The following STN1 variants were observed in gnomAD, a reference collection of about 807,000 sequenced individuals.
The protein encoded by STN1 is STN1 subunit of CST complex.
A neutral mutation model predicts 45.5 loss-of-function variants in STN1; 29 were observed. The observed-to-expected ratio is 0.64, with a 90% CI of 0.47 to 0.87. The LOEUF (loss-of-function observed/expected upper bound fraction) is 0.87. Ranked by LOEUF, STN1 falls within the 40% of genes least tolerant of loss-of-function variation. The pLI is 0.00. For missense variants in STN1, 376 were observed against 441.4 expected (o/e 0.85, Z 1.33); for synonymous variants, 148 against 159.0 (o/e 0.93, Z 0.52).
intron 6 of STN1, among the ~76,000 whole-genome samples, chr10:103,897,967 G>T (rs1316835262): frequency 3.9e-5 from 6 of 151,986 alleles, no homozygotes; most frequent in Non-Finnish European, 5.9e-5. Context: ...GTAAGGTATG[G>T]TCCTATTTTT....
intron 7 of STN1, among the ~76,000 whole-genome samples, chr10:103,894,925 A>T (rs1843161920): frequency 6.6e-6 from 1 of 152,192 alleles, no homozygotes; most frequent in South Asian, 2.1e-4. Flanking sequence ...GAAAAAAAGG[A>T]GGAAACATTC....
intron 9 of STN1, among the ~76,000 whole-genome samples, chr10:103,884,999 G>A (rs1175359232): frequency 6.6e-6 from 1 of 152,134 alleles, no homozygotes; most frequent in Non-Finnish European, 1.5e-5. Context: ...GGAGGAGCAA[G>A]TAGAGCTTGG....
At chr10:103,907,169 A>T (rs1343292023) in intron 3 of STN1, among the ~76,000 whole-genome samples, 1 of 152,254 alleles carries the variant, frequency 6.6e-6, no homozygotes, top group Non-Finnish European at 1.5e-5. Context: ...CTTAACAATT[A>T]CTTCCAGATA....
intron 3 of STN1, among the ~76,000 whole-genome samples, chr10:103,907,695 TATA>T (rs1464526843): frequency 1.3e-5 from 2 of 152,188 alleles, no homozygotes; most frequent in African/African-American, 2.4e-5. Context: ...AATTTTATTT[TATA>T]ATGAGTAAAT....
intron 2 of STN1, among the ~76,000 whole-genome samples, 175 bp downstream of exon 2, chr10:103,917,285 TTA>T (rs1178727784): frequency 6.7e-6 from 1 of 148,988 alleles, no homozygotes. Flanking sequence ...AAAAAAAGAT[TTA>T]GACTGTTTTT....
At chr10:103,914,479 A>G (rs1376636464) in intron 2 of STN1, among the ~76,000 whole-genome samples, 1 of 148,642 alleles carries the variant, frequency 6.7e-6, no homozygotes, top group Non-Finnish European at 1.5e-5. Flanking sequence ...GGCTAAAGTG[A>G]TTCTCCCACC....
At chr10:103,909,434 G>A (rs1255020714) in intron 3 of STN1, among the ~76,000 whole-genome samples, 3 of 56,892 alleles carry the variant, frequency 5.3e-5, no homozygotes, top group Non-Finnish European at 1.0e-4. Context: ...GTATATATAT[G>A]TATATATATG....
At chr10:103,911,284 G>T (rs1338475197) in intron 2 of STN1, among the ~76,000 whole-genome samples, 1 of 152,128 alleles carries the variant, frequency 6.6e-6, no homozygotes, top group Non-Finnish European at 1.5e-5. Flanking sequence ...CTTGGGGCCA[G>T]GACACAGAGG....
chr10:103,894,021 CCA>C (rs968816992), intron 7 of STN1, among the ~76,000 whole-genome samples: 5 of 152,160 alleles, frequency 3.3e-5, no homozygotes, highest in Non-Finnish European at 1.5e-5. Context: ...AGAATAAACA[CCA>C]CACCTAGCAA....
chr10:103,897,475 A>G lies in STN1; in HGVS notation c.753+73T>C, dbSNP rs867665577. On this transcript the variant is annotated intron_variant, in intron 7 of 9. Transcript: ENST00000224950. ...CTCTGTGAATCTTCATGCCACAGTCACTTTCACCCACACCTGCAGTTGCAG... is the reference window on the plus strand; with the variant it reads ...CTCTGTGAATCTTCATGCCACAGTCGCTTTCACCCACACCTGCAGTTGCAG... 1.8e-5 allele frequency: 24 copies of G among 1,301,562 alleles called. No individual in the cohort carries two copies. The African/African-American group carries it at 2.9e-4, about 16-fold the overall frequency. The allele number at this position is 1,301,562 out of a possible 1,614,324, so 80.6% of individuals were successfully genotyped here.
chr10:103,890,056 G>C (rs1373671849), intron 8 of STN1, among the ~76,000 whole-genome samples: 2 of 151,514 alleles, frequency 1.3e-5, no homozygotes, highest in East Asian at 3.9e-4. Flanking sequence ...GCACACAACA[G>C]GTTTCACCTT....
intron 5 of STN1, among the ~76,000 whole-genome samples, chr10:103,899,726 C>T (rs1429425301): frequency 2.0e-5 from 3 of 152,036 alleles, no homozygotes; most frequent in Non-Finnish European, 4.4e-5. Flanking sequence ...AAGAAATTTC[C>T]ATTATTTTGA....
chr10:103,897,826 G>C (rs118047600), intron 6 of STN1, 107 bp from the exon 7 acceptor site: 1 of 1,125,502 alleles, frequency 8.9e-7, no homozygotes, highest in East Asian at 2.4e-5. Flanking sequence ...CTATATTGGA[G>C]TTTGTTTTTC....
intron 6 of STN1, 57 bp from the exon 7 acceptor site, chr10:103,897,776 T>C: frequency 6.3e-7 from 1 of 1,577,176 alleles, no homozygotes; most frequent in Non-Finnish European, 8.6e-7. Flanking sequence ...TGTTCCTTTT[T>C]GGTGTATAAA....
chr10:103,899,064 C>T lies in STN1; in HGVS notation c.458-64G>A. 3 of 1,576,328 alleles carry T rather than the reference C, an allele frequency of 1.9e-6. No homozygotes were observed. The South Asian group carries it at 3.4e-5, about 18-fold the overall frequency. Reference sequence around the variant, plus strand: ...AAATTACATTGAGATCAATTCTTTCCCAGGCCCAAACTGCTGCTAAGACAA... The same window carrying T: ...AAATTACATTGAGATCAATTCTTTCTCAGGCCCAAACTGCTGCTAAGACAA... On this transcript the variant is annotated intron_variant, in intron 5 of 9. Coordinates refer to ENST00000224950, the MANE Select transcript of STN1 (RefSeq NM_024928.5).
chr10:103,882,673 C>G lies in STN1; in HGVS notation c.*11G>C, dbSNP rs202000409. On this transcript the variant is annotated 3_prime_UTR_variant, in exon 10 of 10. Transcript: ENST00000224950. ...ATCTTTGTCCTCCTCAGCTGGTCTG[C>G]GTGTCTCTGCTCAGAACGCTGTGTA... 1.3e-6 allele frequency: 2 copies of G among 1,596,868 alleles called. No homozygotes were observed. The highest frequency in any genetic ancestry group is 3.4e-5 in the Admixed American group (2 of 58,346).
At chr10:103,917,428 A>G (rs752233614) in intron 2 of STN1, 34 bp downstream of exon 2, 3 of 1,595,934 alleles carry the variant, frequency 1.9e-6, no homozygotes, top group Non-Finnish European at 2.6e-6. Flanking sequence ...TGGCAGATGC[A>G]GCCCAGGGCA....
At chr10:103,905,722 G>A in intron 3 of STN1, among the ~76,000 whole-genome samples, 1 of 152,096 alleles carries the variant, frequency 6.6e-6, no homozygotes, top group East Asian at 1.9e-4. Context: ...CACCGCAGGG[G>A]CTGTAAGGAA....
At chr10:103,893,272 C>T (rs1843152014) in intron 7 of STN1, among the ~76,000 whole-genome samples, 1 of 152,054 alleles carries the variant, frequency 6.6e-6, no homozygotes, top group South Asian at 2.1e-4. Context: ...GGATTCATGC[C>T]ATTCTCCTGC....
Sources: gnomAD v4.1 joint callset for allele counts (sites outside exome capture counted in the v4.1 genomes callset) on GRCh38, gnomAD v4.1.1 for gene constraint, MANE v1.5 for transcripts, NCBI Gene and HGNC (gene_info 2026-07-23, HGNC 2026-07-21) for gene names.